The following ULK4 variants were observed in gnomAD, a reference collection of about 807,000 sequenced individuals.
The protein encoded by ULK4 is unc-51 like kinase 4, also known as inactive serine/threonine-protein kinase ULK4.
In ULK4, 133 loss-of-function variants were observed where a neutral mutation model predicts 160.6. The observed-to-expected ratio is 0.83, with a 90% CI of 0.72 to 0.96. ULK4 has a LOEUF of 0.96. Among genes scored for constraint, ULK4 ranks in the 40% least tolerant of loss-of-function variants. The pLI is 0.00. For synonymous variants in ULK4, 534 were observed against 539.8 expected (o/e 0.99, Z 0.15); for missense variants, 1,580 against 1,499.5 (o/e 1.05, Z -0.89).
intron 17 of ULK4, among the ~76,000 whole-genome samples, chr3:41,874,652 A>T (rs1292693154): frequency 6.6e-6 from 1 of 152,222 alleles, no homozygotes; most frequent in Non-Finnish European, 1.5e-5. Flanking sequence ...GCGGGAGCTA[A>T]GCTATGAGTA....
At chr3:41,824,110 C>G (rs1192611038) in intron 18 of ULK4, among the ~76,000 whole-genome samples, 1 of 145,764 alleles carries the variant, frequency 6.9e-6, no homozygotes, top group Non-Finnish European at 1.5e-5. Context: ...TTGCAGTGAG[C>G]CAAGATTATG....
intron 21 of ULK4, among the ~76,000 whole-genome samples, chr3:41,761,123 A>G (rs1443982096): frequency 6.6e-6 from 1 of 152,088 alleles, no homozygotes. Flanking sequence ...AAAGCAGCAC[A>G]AGGTCATTCT....
intron 17 of ULK4, among the ~76,000 whole-genome samples, chr3:41,836,850 C>T (rs1272646501): frequency 1.3e-5 from 2 of 152,096 alleles, no homozygotes; most frequent in African/African-American, 2.4e-5. Context: ...TGCCAGAGTT[C>T]ATACACCAGA....
rs901625712 is a variant in ULK4, at chr3:41,494,612, T to C, written c.3227-31359A>G. The stretch of plus-strand genomic sequence containing the variant: ...AGGCAGGAGAAGGAAATAAAGGGCA[T>C]TCAATTAGGAAAAGAGGAAGTCAAA... On this transcript the variant is annotated intron_variant, in intron 32 of 36. Coordinates refer to ENST00000301831, the MANE Select transcript of ULK4 (RefSeq NM_017886.4). Among the ~76,000 whole-genome samples, 378 of 152,258 alleles carry C rather than the reference T, an allele frequency of 2.5e-3. 1 individual carries two copies. Among genetic ancestry groups the C allele is most frequent in the African/African-American group, 8.7e-3 (362 of 41,538 alleles).
rs548590255 is a variant in ULK4, at chr3:41,376,779, C to T, written c.3678+21300G>A. Among the ~76,000 whole-genome samples, 223 of 150,210 alleles carry T rather than the reference C, an allele frequency of 1.5e-3. 14 individuals are homozygous for T. Among genetic ancestry groups the T allele is most frequent in the African/African-American group, 5.0e-3 (202 of 40,278 alleles). The stretch of plus-strand genomic sequence containing the variant: ...GTTCATGGGAAGGAAGAATCAATAT[C>T]GTAAAAATGGCCATAATACCCAAGG... On this transcript the variant is annotated intron_variant, in intron 35 of 36. Transcript: ENST00000301831.
At chr3:41,835,160 T>C (rs1376322426) in intron 18 of ULK4, among the ~76,000 whole-genome samples, 2 of 151,762 alleles carry the variant, frequency 1.3e-5, no homozygotes, top group East Asian at 2.0e-4. Flanking sequence ...CCGTGAGCCA[T>C]GATCATGCTA....
chr3:41,270,389 T>C (rs1053789270), intron 35 of ULK4, among the ~76,000 whole-genome samples: 1 of 152,172 alleles, frequency 6.6e-6, no homozygotes, highest in Non-Finnish European at 1.5e-5. Context: ...CTTCTCCCCA[T>C]GGGCCCTAGA....
At chr3:41,273,363 G>C (rs1240449439) in intron 35 of ULK4, among the ~76,000 whole-genome samples, 1 of 152,090 alleles carries the variant, frequency 6.6e-6, no homozygotes, top group Non-Finnish European at 1.5e-5. Flanking sequence ...TTGCCTGGTG[G>C]GAATGGGCAC....
chr3:41,404,043 G>GA lies in ULK4; in HGVS notation c.3493-5780dup, dbSNP rs35924329. 1.4e-4 allele frequency among the ~76,000 whole-genome samples: 21 copies of GA among 150,260 alleles called. No homozygotes were observed. In the East Asian group the frequency reaches 1.8e-3, roughly 13 times the overall value. ...AGTGGTGAGTGTTCCATGGGCACTG[G>GA]AAAAAAAAATGCGTATTCTGTTGTT... On this transcript the variant is annotated intron_variant, in intron 34 of 36. Coordinates refer to ENST00000301831, the MANE Select transcript of ULK4 (RefSeq NM_017886.4).
intron 35 of ULK4, among the ~76,000 whole-genome samples, chr3:41,265,359 G>A (rs2079012635): frequency 6.6e-6 from 1 of 152,192 alleles, no homozygotes. Context: ...AGTGCAGCTG[G>A]GCACCCACTG....
chr3:41,563,918 G>C (rs909176720), intron 32 of ULK4, among the ~76,000 whole-genome samples: 3 of 152,144 alleles, frequency 2.0e-5, no homozygotes, highest in African/African-American at 4.8e-5. Context: ...GAGGAGTTGC[G>C]ATCCTTTGGA....
At chr3:41,944,113 C>A (rs1359275569) in intron 2 of ULK4, among the ~76,000 whole-genome samples, 1 of 152,170 alleles carries the variant, frequency 6.6e-6, no homozygotes. Context: ...AACCCCGTGG[C>A]ACCCTCTTTC....
intron 35 of ULK4, among the ~76,000 whole-genome samples, chr3:41,291,335 AGAAG>A (rs1261867631): frequency 2.7e-5 from 4 of 150,830 alleles, no homozygotes; most frequent in Non-Finnish European, 5.9e-5. Flanking sequence ...AGAAAGAGAA[AGAAG>A]GAAGGAAGGA....
At chr3:41,861,826 G>C (rs983900468) in intron 17 of ULK4, among the ~76,000 whole-genome samples, 2 of 151,886 alleles carry the variant, frequency 1.3e-5, no homozygotes, top group African/African-American at 4.8e-5. Context: ...CGTGCTTCTT[G>C]TTTTTTCTTT....
rs58776901 is a variant in ULK4, at chr3:41,835,981, C to CA, written c.1657-11dup. ...TTAAGAGAACAATTGCCTGCAAAGA[C>CA]AAAAAAAAAAAAAGTAAATTATTTC... On this transcript the variant is annotated splice_polypyrimidine_tract_variant and intron_variant, in intron 17 of 36. Transcript: ENST00000301831. 0.066 allele frequency: 73,363 copies of CA among 1,119,442 alleles called. 16 individuals are homozygous for CA. Among genetic ancestry groups the CA allele is most frequent in the Non-Finnish European group, 0.072 (57,393 of 801,690 alleles). The allele number at this position is 1,119,442 out of a possible 1,614,324, so 69.3% of individuals were successfully genotyped here. A position where few individuals can be genotyped will look rare whatever the true frequency, so the allele number is the denominator to read the frequency against.
chr3:41,783,484 C>T (rs1268047017), intron 21 of ULK4, among the ~76,000 whole-genome samples: 5 of 151,352 alleles, frequency 3.3e-5, no homozygotes, highest in Non-Finnish European at 7.4e-5. Context: ...TGCAGTGAGC[C>T]GAGATCATGC....
At chr3:41,909,316 A>T (rs527407134) in intron 11 of ULK4, among the ~76,000 whole-genome samples, 2 of 152,074 alleles carry the variant, frequency 1.3e-5, no homozygotes, top group African/African-American at 4.8e-5. Context: ...CTCAACTCTC[A>T]TTCACTTATC....
At chr3:41,394,848 C>T (rs376334218) in intron 35 of ULK4, among the ~76,000 whole-genome samples, 16 of 151,960 alleles carry the variant, frequency 1.1e-4, no homozygotes, top group African/African-American at 1.7e-4. Context: ...AGAAAGCTTT[C>T]GGAAGATTTT....
chr3:41,345,416 C>T (rs188677100), intron 35 of ULK4, among the ~76,000 whole-genome samples: 4 of 152,144 alleles, frequency 2.6e-5, no homozygotes, highest in Non-Finnish European at 5.9e-5. Context: ...AAATGTGGTA[C>T]ATATACACAA....
Sources: gnomAD v4.1 joint callset for allele counts (sites outside exome capture counted in the v4.1 genomes callset) on GRCh38, gnomAD v4.1.1 for gene constraint, MANE v1.5 for transcripts, NCBI Gene and HGNC (gene_info 2026-07-23, HGNC 2026-07-21) for gene names.